Variants in UPRT observed in about 807,000 individuals in gnomAD.
UPRT encodes uracil phosphoribosyltransferase homolog.
In UPRT, 5 loss-of-function variants were observed where a neutral mutation model predicts 22.6. The ratio of observed to expected loss-of-function variants is 0.22; its 90% CI spans 0.12 to 0.47. UPRT has a LOEUF of 0.47. Among genes scored for constraint, UPRT ranks in the 20% least tolerant of loss-of-function variants. The pLI is 0.99. For missense variants in UPRT, 181 were observed against 239.9 expected (o/e 0.75, Z 1.62); for synonymous variants, 77 against 87.7 (o/e 0.88, Z 0.68).
upstream of UPRT, among the ~76,000 whole-genome samples, chrX:75,271,333 G>A (rs2082607411): frequency 9.0e-6 from 1 of 111,545 alleles, no homozygotes. Flanking sequence ...CACAAAATCA[G>A]AAATAAATCC....
chrX:75,258,332 G>A (rs2082556230), intron 4 of UPRT, among the ~76,000 whole-genome samples: 1 of 108,659 alleles, frequency 9.2e-6, no homozygotes, highest in African/African-American at 3.4e-5. Flanking sequence ...TGGCTTGGCA[G>A]GTCCCACCCC....
At chrX:75,178,331 G>A (rs779835710) in intron 4 of UPRT, among the ~76,000 whole-genome samples, 14 of 111,957 alleles carry the variant, frequency 1.3e-4, no homozygotes, top group South Asian at 7.5e-4. Context: ...AAAGGGGTCC[G>A]ATGGTACTCA....
chrX:75,257,653 G>T (rs2082553541), intron 4 of UPRT, among the ~76,000 whole-genome samples: 1 of 111,520 alleles, frequency 9.0e-6, no homozygotes, highest in Non-Finnish European at 1.9e-5. Flanking sequence ...ACTGATAAAA[G>T]AATTCAGTAA....
chrX:75,292,546 G>A (rs1343653945), intron 1 of UPRT, among the ~76,000 whole-genome samples: 1 of 111,626 alleles, frequency 9.0e-6, no homozygotes, highest in Non-Finnish European at 1.9e-5. Context: ...AGGCAAAAGA[G>A]TGGAAATTAA....
intron 4 of UPRT, among the ~76,000 whole-genome samples, chrX:75,241,017 G>A (rs895297757): frequency 9.1e-5 from 10 of 110,277 alleles, no homozygotes; most frequent in Admixed American, 8.7e-4. Context: ...CATTGGCCTA[G>A]GCAAAAAATT....
intron 2 of UPRT, among the ~76,000 whole-genome samples, chrX:75,160,997 G>A (rs1427293602): frequency 8.9e-6 from 1 of 112,560 alleles, no homozygotes; most frequent in Non-Finnish European, 1.9e-5. Flanking sequence ...ACATTTATAT[G>A]TATGAATATA....
chrX:75,241,737 G>A (rs2082489273), intron 4 of UPRT, among the ~76,000 whole-genome samples: 1 of 111,867 alleles, frequency 8.9e-6, no homozygotes, highest in African/African-American at 3.2e-5. Flanking sequence ...ATTGTTCCTA[G>A]CCATGTAACG....
intron 4 of UPRT, among the ~76,000 whole-genome samples, chrX:75,299,343 T>G (rs770626886): frequency 2.9e-4 from 33 of 112,433 alleles, no homozygotes; most frequent in African/African-American, 9.4e-4. Context: ...CTTTTGCATT[T>G]TCTCATACAA....
chrX:75,189,607 G>A (rs1221405148), intron 4 of UPRT, among the ~76,000 whole-genome samples: 2 of 111,696 alleles, frequency 1.8e-5, no homozygotes, highest in Non-Finnish European at 3.8e-5. Context: ...TTATTATTGT[G>A]TGGGAATCTA....
intron 1 of UPRT, among the ~76,000 whole-genome samples, chrX:75,277,996 T>C (rs1467568543): frequency 2.7e-5 from 3 of 111,772 alleles, no homozygotes; most frequent in Admixed American, 9.5e-5. Flanking sequence ...TATATTTACA[T>C]AGGTCTAGTT....
chrX:75,241,303 G>A (rs1306839477), intron 4 of UPRT, among the ~76,000 whole-genome samples: 1 of 111,459 alleles, frequency 9.0e-6, no homozygotes, highest in Non-Finnish European at 1.9e-5. Context: ...ATATACAAAT[G>A]TCTAGCAAAC....
At chrX:75,182,055 A>C (rs2082271821) in intron 4 of UPRT, among the ~76,000 whole-genome samples, 1 of 112,106 alleles carries the variant, frequency 8.9e-6, no homozygotes, top group African/African-American at 3.2e-5. Context: ...TGTAACATGA[A>C]GGGACTTTGA....
chrX:75,197,251 G>A (rs1304838730), intron 4 of UPRT, among the ~76,000 whole-genome samples: 3 of 111,718 alleles, frequency 2.7e-5, no homozygotes, highest in Non-Finnish European at 5.6e-5. Context: ...GTTTGCGGTG[G>A]CAAACACAAA....
chrX:75,303,341 A>C (rs1305191007), intron 6 of UPRT, 64 bp from the exon 7 acceptor site: 12 of 900,547 alleles, frequency 1.3e-5, no homozygotes, highest in African/African-American at 2.0e-5. Context: ...ATAACTACAA[A>C]ATTCCTGAAT....
At chrX:75,167,780 A>G (rs1311923127) in intron 3 of UPRT, among the ~76,000 whole-genome samples, 2 of 106,022 alleles carry the variant, frequency 1.9e-5, no homozygotes, top group Non-Finnish European at 3.9e-5. Flanking sequence ...TCAAATGTTC[A>G]CTTTACTTTT....
chrX:75,189,287 C>A (rs1036631566), intron 4 of UPRT, among the ~76,000 whole-genome samples: 1 of 111,700 alleles, frequency 9.0e-6, no homozygotes, highest in Non-Finnish European at 1.9e-5. Flanking sequence ...TGTAGTTGAG[C>A]GGTTTTGAGT....
At chrX:75,265,756 C>G (rs1452620391) in intron 4 of UPRT, among the ~76,000 whole-genome samples, 2 of 110,972 alleles carry the variant, frequency 1.8e-5, no homozygotes, top group Non-Finnish European at 3.8e-5. Context: ...GCGAGGCACT[C>G]TGATTTTTAG....
intron 6 of UPRT, among the ~76,000 whole-genome samples, chrX:75,303,036 T>TTTTAAAAA (rs1221135672): frequency 2.7e-5 from 3 of 111,414 alleles, no homozygotes; most frequent in African/African-American, 6.5e-5. Flanking sequence ...CCACTGTGCT[T>TTTTAAAAA]GGCCTGTGAT....
chrX:75,297,252 T>C (rs1877790599), intron 3 of UPRT, among the ~76,000 whole-genome samples: 1 of 111,752 alleles, frequency 8.9e-6, no homozygotes, highest in Non-Finnish European at 1.9e-5. Flanking sequence ...ATAAGTCCTA[T>C]TCCCATTCAA....
Sources: gnomAD v4.1 joint callset for allele counts (sites outside exome capture counted in the v4.1 genomes callset) on GRCh38, gnomAD v4.1.1 for gene constraint, MANE v1.5 for transcripts, NCBI Gene and HGNC (gene_info 2026-07-23, HGNC 2026-07-21) for gene names.